Variants in IFNLR1 observed in about 807,000 individuals in gnomAD.
The protein encoded by IFNLR1 is interferon lambda receptor 1.
IFNLR1 carries 28 observed loss-of-function variants against 52.5 expected under a neutral mutation model. The observed-to-expected ratio is 0.53, with a 90% CI of 0.40 to 0.73. IFNLR1 has a LOEUF of 0.73. IFNLR1 is among the 30% of genes least tolerant of loss of function. IFNLR1 has a pLI of 0.00. For missense variants in IFNLR1, 623 were observed against 659.1 expected (o/e 0.95, Z 0.60); for synonymous variants, 276 against 274.9 (o/e 1.00, Z -0.04).
rs577798505 is a variant in IFNLR1, at chr1:24,178,146, ATGG to A, written c.182+2582_182+2584del. 1.1e-4 allele frequency among the ~76,000 whole-genome samples: 17 copies of A among 152,012 alleles called. No individual in the cohort carries two copies. The East Asian group carries it at 3.3e-3, about 30-fold the overall frequency. ...CTAAAAATACAAAAATTAGCCGGGTATGGTGGTGGGCGCCTGTAATCCCAACTA... is the reference window on the plus strand; with the variant it reads ...CTAAAAATACAAAAATTAGCCGGGTATGGTGGGCGCCTGTAATCCCAACTA... On this transcript the variant is annotated intron_variant, in intron 2 of 6. Transcript: ENST00000327535.
chr1:24,162,796 C>CTTTT (rs1644466276), intron 3 of IFNLR1, among the ~76,000 whole-genome samples: 7 of 78,872 alleles, frequency 8.9e-5, no homozygotes, highest in African/African-American at 1.5e-4. Flanking sequence ...CTTTTTCTTT[C>CTTTT]TTTCTTTTTT....
At chr1:24,185,878 G>A (rs1644732476) in intron 1 of IFNLR1, among the ~76,000 whole-genome samples, 1 of 152,208 alleles carries the variant, frequency 6.6e-6, no homozygotes, top group Non-Finnish European at 1.5e-5. Context: ...ACCACCCTAT[G>A]GGGTAGGTGT....
In IFNLR1 at chr1:24,157,998, T is replaced by A; in HGVS notation, c.802-107A>T. The A allele has an allele frequency of 9.1e-7, 1 of 1,095,992 alleles. No homozygotes were observed. The highest frequency in any genetic ancestry group is 1.3e-6 in the Non-Finnish European group (1 of 773,188). The allele number at this position is 1,095,992 out of a possible 1,614,324, so 67.9% of individuals were successfully genotyped here. On this transcript the variant is annotated intron_variant, in intron 6 of 6. Coordinates refer to ENST00000327535, the MANE Select transcript of IFNLR1 (RefSeq NM_170743.4). The surrounding 1 kb of genome is among the most constrained non-coding windows in gnomAD (Gnocchi z 5.1). ...CAGACCTCAGACAAGGCTTCAAGTG[T>A]AAGCAGTTTCTTTGGGAGATGATCC...
chr1:24,172,692 G>A (rs77395874), intron 2 of IFNLR1, among the ~76,000 whole-genome samples: 2,567 of 152,244 alleles, frequency 0.017, 67 homozygotes, highest in African/African-American at 0.058. Context: ...CACCAAAAGC[G>A]TTAACTGTTG....
chr1:24,180,945 C>A, intron 1 of IFNLR1, 91 bp from the exon 2 acceptor site: 1 of 1,351,946 alleles, frequency 7.4e-7, no homozygotes, highest in Non-Finnish European at 1.0e-6. Context: ...GAAGGGCAAG[C>A]AGGTGCTCAC....
chr1:24,186,540 TG>T (rs1188108422), intron 1 of IFNLR1, among the ~76,000 whole-genome samples: 1 of 152,084 alleles, frequency 6.6e-6, no homozygotes, highest in African/African-American at 2.4e-5. Flanking sequence ...GAAAATATCC[TG>T]GGGGCGATTT....
At chr1:24,171,663 C>CTT (rs557134606) in intron 2 of IFNLR1, among the ~76,000 whole-genome samples, 7 of 144,538 alleles carry the variant, frequency 4.8e-5, no homozygotes, top group African/African-American at 1.5e-4. Context: ...ATTTTCTTTT[C>CTT]TTTTTTTTTT....
Position 24,157,196 on chromosome 1 carries a change from C to A in IFNLR1, c.1497G>T (p.Trp499Cys), listed in dbSNP as rs781433394. ...SEIEDSDAGSWGAESTQRTED... is the reference protein window; with the variant it reads ...SEIEDSDAGSCGAESTQRTED... ...CGGTCCTCTGGGTGCTCTCAGCCCCCCAGCTGCCCGCATCGCTGTCCTCAA... is the reference window on the plus strand; with the variant it reads ...CGGTCCTCTGGGTGCTCTCAGCCCCACAGCTGCCCGCATCGCTGTCCTCAA... The change falls in exon 7 of 7, where the codon TGG becomes TGT. Residue 499 changes from tryptophan (W) to cysteine (C), a missense_variant. Transcript: ENST00000327535. The surrounding 1 kb of genome is among the most constrained non-coding windows in gnomAD (Gnocchi z 5.1). 28 of 1,614,034 alleles carry A rather than the reference C, an allele frequency of 1.7e-5. No individual in the cohort carries two copies. The highest frequency in any genetic ancestry group is 1.6e-4 in the Middle Eastern group (1 of 6,068).
chr1:24,160,002 C>T (rs937850347), intron 4 of IFNLR1, among the ~76,000 whole-genome samples: 8 of 152,186 alleles, frequency 5.3e-5, no homozygotes, highest in African/African-American at 1.7e-4. Flanking sequence ...CCCTCCTTGC[C>T]TGAACTTTCT....
At chr1:24,160,841 C>A (rs549919741) in intron 4 of IFNLR1, among the ~76,000 whole-genome samples, 1 of 152,154 alleles carries the variant, frequency 6.6e-6, no homozygotes, top group South Asian at 2.1e-4. Context: ...GATCCTCCTG[C>A]CTCAGCATCC....
chr1:24,165,098 G>T (rs1238317079), intron 3 of IFNLR1, among the ~76,000 whole-genome samples: 1 of 152,080 alleles, frequency 6.6e-6, no homozygotes, highest in Non-Finnish European at 1.5e-5. Context: ...TGCATAGGTT[G>T]AGAACCTCCC....
intron 3 of IFNLR1, among the ~76,000 whole-genome samples, chr1:24,162,844 TTTC>T (rs1383021021): frequency 4.6e-5 from 3 of 65,156 alleles, no homozygotes; most frequent in Admixed American, 1.6e-4. Flanking sequence ...TCTTTCTTTC[TTTC>T]TTTCTTTCTT....
In IFNLR1 at chr1:24,180,840, C is replaced by T. The variant is rs367735187; in HGVS notation, c.73G>A (p.Ala25Thr). 2.5e-6 allele frequency: 4 copies of T among 1,613,454 alleles called. No individual in the cohort carries two copies. Among genetic ancestry groups the T allele is most frequent in the East Asian group, 2.2e-5 (1 of 44,886 alleles). ...AGCAGCGTCACATTCTGGGGAGGGG[C>T]CAGACGGGGCCTCCCTGGGGGAAAG... ...LQAAPGRPRL[A>T]PPQNVTLLSQ... Residue 25 changes from alanine (A) to threonine (T), a missense_variant, in exon 2 of 7, where the codon GCC becomes ACC. Transcript: ENST00000327535.
intron 1 of IFNLR1, 127 bp from the exon 2 acceptor site, chr1:24,180,981 G>T: frequency 2.1e-6 from 2 of 959,836 alleles, no homozygotes; most frequent in Non-Finnish European, 3.0e-6. Context: ...AGGAGCCACT[G>T]ACTGGCTGTA....
chr1:24,160,624 A>G (rs925191008), intron 4 of IFNLR1, among the ~76,000 whole-genome samples: 1 of 152,240 alleles, frequency 6.6e-6, no homozygotes, highest in African/African-American at 2.4e-5. Flanking sequence ...AACCCAGAGT[A>G]TGCAAAAATC....
At chr1:24,169,285 G>T in intron 3 of IFNLR1, 132 bp downstream of exon 3, 1 of 801,792 alleles carries the variant, frequency 1.2e-6, no homozygotes. Flanking sequence ...CAAAGGGCCT[G>T]GCCCAGGGAG....
rs928788146 is a variant in IFNLR1, at chr1:24,156,568, G to C, written c.*562C>G. 1.3e-5 allele frequency: 2 copies of C among 153,266 alleles called. No homozygotes were observed. Among genetic ancestry groups the C allele is most frequent in the African/African-American group, 4.8e-5 (2 of 41,444 alleles). The allele number at this position is 153,266 out of a possible 1,614,324, so 9.5% of individuals were successfully genotyped here. A position where few individuals can be genotyped will look rare whatever the true frequency, so the allele number is the denominator to read the frequency against. On this transcript the variant is annotated 3_prime_UTR_variant, in exon 7 of 7. Transcript: ENST00000327535. ...AACCGTACAGTGCCATGACTCCAAA[G>C]ACCAGGATTTGAGGACAGCCACCCT...
At chr1:24,179,340 T>C (rs1205322397) in intron 2 of IFNLR1, among the ~76,000 whole-genome samples, 1 of 152,232 alleles carries the variant, frequency 6.6e-6, no homozygotes, top group African/African-American at 2.4e-5. Flanking sequence ...GCACCCTTGG[T>C]GCTTCAGTCT....
intron 5 of IFNLR1, 110 bp from the exon 6 acceptor site, chr1:24,159,292 A>G: frequency 7.1e-7 from 1 of 1,403,304 alleles, no homozygotes; most frequent in Non-Finnish European, 9.9e-7. Flanking sequence ...ACAAGAATAA[A>G]CCCATCCTGC....
Sources: gnomAD v4.1 joint callset for allele counts (sites outside exome capture counted in the v4.1 genomes callset) on GRCh38, gnomAD v4.1.1 for gene constraint, Gnocchi (gnomAD v3.1) non-coding constraint, MANE v1.5 for transcripts, NCBI Gene and HGNC (gene_info 2026-07-23, HGNC 2026-07-21) for gene names.